Variants in NTM observed in about 807,000 individuals in gnomAD.
The protein encoded by NTM is neurotrimin, also known as IgLON family member 2.
A neutral mutation model predicts 42.1 loss-of-function variants in NTM; 13 were observed. The ratio of observed to expected loss-of-function variants is 0.31; its 90% CI spans 0.20 to 0.49. The LOEUF is 0.49. Ranked by LOEUF, NTM falls within the 20% of genes least tolerant of loss-of-function variation. The pLI is 0.99. For missense variants in NTM, 373 were observed against 452.8 expected (o/e 0.82, Z 1.60); for synonymous variants, 187 against 179.2 (o/e 1.04, Z -0.35).
intron 2 of NTM, among the ~76,000 whole-genome samples, chr11:132,105,205 A>T (rs1216609150): frequency 6.6e-6 from 1 of 151,676 alleles, no homozygotes; most frequent in South Asian, 2.1e-4. Flanking sequence ...AAGGAGCACG[A>T]GTTGAGACCT....
At chr11:132,132,229 A>G (rs917310282) in intron 2 of NTM, among the ~76,000 whole-genome samples, 7 of 151,970 alleles carry the variant, frequency 4.6e-5, no homozygotes, top group Non-Finnish European at 1.0e-4. Context: ...GAACTACAGC[A>G]GAGTGAAGGA....
At chr11:131,812,791 GC>G (rs1173579114) in intron 1 of NTM, among the ~76,000 whole-genome samples, 1 of 152,150 alleles carries the variant, frequency 6.6e-6, no homozygotes, top group Non-Finnish European at 1.5e-5. Context: ...GAAGATGACT[GC>G]AAGGAAAGAA....
chr11:132,130,796 A>C (rs1184325100), intron 2 of NTM, among the ~76,000 whole-genome samples: 5 of 152,200 alleles, frequency 3.3e-5, no homozygotes, highest in African/African-American at 1.2e-4. Flanking sequence ...ATGGATCCCC[A>C]CAGAGCAAGA....
chr11:131,653,340 T>A (rs962735989), intron 1 of NTM, among the ~76,000 whole-genome samples: 12 of 152,142 alleles, frequency 7.9e-5, no homozygotes, highest in African/African-American at 2.9e-4. Flanking sequence ...ACAGTCTTCC[T>A]TGCTTCCAGG....
rs183094551 is a variant in NTM, at chr11:132,065,558, C to T, written c.168-80724C>T. Among the ~76,000 whole-genome samples the T allele has an allele frequency of 2.6e-3, 392 of 152,060 alleles. 3 individuals carry two copies. Among genetic ancestry groups the T allele is most frequent in the African/African-American group, 9.0e-3 (374 of 41,504 alleles). Reference sequence around the variant, plus strand: ...AAGACAGATCTAGGTTACAGTATCTCGTATTTTATAATTATTCTATGAATT... The same window carrying T: ...AAGACAGATCTAGGTTACAGTATCTTGTATTTTATAATTATTCTATGAATT... On this transcript the variant is annotated intron_variant, in intron 2 of 8. Transcript: ENST00000683400.
chr11:132,208,382 G>A (rs1388910572), intron 3 of NTM, among the ~76,000 whole-genome samples: 4 of 152,188 alleles, frequency 2.6e-5, no homozygotes, highest in Admixed American at 2.6e-4. Context: ...TCTATGCCAT[G>A]AATGATCTGT....
chr11:131,471,625 T>C (rs1952452402), intron 1 of NTM, among the ~76,000 whole-genome samples: 1 of 151,778 alleles, frequency 6.6e-6, no homozygotes, highest in South Asian at 2.1e-4. Flanking sequence ...GCATTGGAGG[T>C]TGAGGTAACA....
At chr11:131,377,426 G>C (rs938367995) in intron 1 of NTM, among the ~76,000 whole-genome samples, 1 of 152,126 alleles carries the variant, frequency 6.6e-6, no homozygotes. Context: ...AAGATAAAAG[G>C]AGAATACCAG....
intron 1 of NTM, among the ~76,000 whole-genome samples, chr11:131,587,722 C>T (rs1338148700): frequency 6.6e-6 from 1 of 152,166 alleles, no homozygotes; most frequent in African/African-American, 2.4e-5. Context: ...CTCCACTGCA[C>T]CCAGTCCAGG....
chr11:131,427,474 TCC>T (rs1421462647), intron 1 of NTM, among the ~76,000 whole-genome samples: 4 of 152,160 alleles, frequency 2.6e-5, no homozygotes, highest in African/African-American at 4.8e-5. Context: ...CTCTACACTC[TCC>T]AGAAAACCAC....
At chr11:132,092,655 A>G (rs2060507493) in intron 2 of NTM, among the ~76,000 whole-genome samples, 1 of 152,196 alleles carries the variant, frequency 6.6e-6, no homozygotes, top group Non-Finnish European at 1.5e-5. Flanking sequence ...CGATGGCTCC[A>G]GCTTAGTCTC....
chr11:131,747,291 T>G (rs1253785067), intron 1 of NTM, among the ~76,000 whole-genome samples: 1 of 152,138 alleles, frequency 6.6e-6, no homozygotes, highest in Non-Finnish European at 1.5e-5. Flanking sequence ...CACCCAAGCT[T>G]AGCATCTCTT....
chr11:131,548,627 A>C (rs989248872), intron 1 of NTM, among the ~76,000 whole-genome samples: 1 of 152,212 alleles, frequency 6.6e-6, no homozygotes, highest in African/African-American at 2.4e-5. Context: ...ACTTCTTTCT[A>C]TTCCGATCCA....
chr11:131,441,840 T>C (rs1041414507), intron 1 of NTM, among the ~76,000 whole-genome samples: 2 of 152,224 alleles, frequency 1.3e-5, no homozygotes, highest in African/African-American at 4.8e-5. Flanking sequence ...TCTGTTGTGC[T>C]AGAGCTGGTG....
intron 1 of NTM, among the ~76,000 whole-genome samples, chr11:131,644,202 G>C (rs1218981936): frequency 6.6e-6 from 1 of 152,134 alleles, no homozygotes. Context: ...TGTCATTAGG[G>C]GAGGAGCAAA....
chr11:131,507,048 C>T (rs143680692), intron 1 of NTM, among the ~76,000 whole-genome samples: 4 of 152,206 alleles, frequency 2.6e-5, no homozygotes, highest in East Asian at 1.9e-4. Context: ...TCCCTTATAT[C>T]GGTACACTGT....
chr11:131,611,335 C>T (rs780247473), intron 1 of NTM, among the ~76,000 whole-genome samples: 2 of 152,188 alleles, frequency 1.3e-5, no homozygotes, highest in African/African-American at 4.8e-5. Flanking sequence ...AGAACTTGAG[C>T]TTCAAATAAC....
intron 1 of NTM, among the ~76,000 whole-genome samples, chr11:131,465,528 A>G (rs374904240): frequency 5.9e-5 from 9 of 152,186 alleles, no homozygotes; most frequent in African/African-American, 2.2e-4. Context: ...TCCAACCATT[A>G]AAGTTCTTGT....
intron 1 of NTM, among the ~76,000 whole-genome samples, chr11:131,633,335 T>C (rs1017752984): frequency 1.3e-5 from 2 of 152,284 alleles, no homozygotes; most frequent in South Asian, 2.1e-4. Flanking sequence ...TGACTCTAAA[T>C]GGAACTTAAT....
Sources: allele counts gnomAD v4.1 joint callset (sites outside exome capture counted in the v4.1 genomes callset), GRCh38; gene constraint gnomAD v4.1.1; transcripts MANE v1.5; gene names NCBI Gene and HGNC (gene_info 2026-07-23, HGNC 2026-07-21).